The following DNAJC22 variants were observed in gnomAD, a reference collection of about 807,000 sequenced individuals.
DNAJC22 encodes the protein dnaJ homolog subfamily C member 22.
Under a neutral mutation model 22.2 loss-of-function variants are expected in DNAJC22, and 24 were observed. That is an observed-to-expected ratio of 1.08 (90% confidence interval 0.78 to 1.52). DNAJC22 has a LOEUF of 1.52. Among genes scored for constraint, DNAJC22 ranks in the 40% most tolerant of loss-of-function variants. DNAJC22 has a pLI of 0.00. For missense variants in DNAJC22, 434 were observed against 421.7 expected (o/e 1.03, Z -0.26); for synonymous variants, 160 against 167.4 (o/e 0.96, Z 0.34).
chr12:49,352,882 T>A lies in DNAJC22; in HGVS notation c.*1380T>A, dbSNP rs987358328. The A allele has an allele frequency of 6.6e-6, 1 of 152,180 alleles. No individual in the cohort carries two copies. Among genetic ancestry groups the A allele is most frequent in the Non-Finnish European group, 1.5e-5 (1 of 68,044 alleles). 9.4% of individuals were successfully genotyped at this position (152,180 alleles called of 1,614,324 possible). On this transcript the variant is annotated 3_prime_UTR_variant, in exon 4 of 4. Transcript: ENST00000549441. ...TGACTTCTCAGGTCTTCCCAGTATT[T>A]GAGGTCTGATTCTGGGCTACATACC...
chr12:49,351,388 GCA>G lies in DNAJC22; in HGVS notation c.914_915del (p.His305ProfsTer23). The G allele has an allele frequency of 3.7e-6, 6 of 1,613,532 alleles. No homozygotes were observed. The South Asian group carries it at 5.5e-5, about 15-fold the overall frequency. On this transcript the variant is annotated frameshift_variant, in exon 4 of 4. Transcript: ENST00000549441. LOFTEE classifies it high-confidence loss of function. ...RSYQELVKVWHPDHNLDQTEE... is the reference protein window; with the variant it reads ...RSYQELVKVWXPDHNLDQTEE... Reference sequence around the variant, plus strand: ...GTTACCAGGAGCTAGTGAAGGTCTGGCACCCAGACCACAACCTGGACCAGACA... The same window carrying G: ...GTTACCAGGAGCTAGTGAAGGTCTGGCCCAGACCACAACCTGGACCAGACA...
intron 3 of DNAJC22, chr12:49,351,022 A>G: frequency 3.4e-6 from 1 of 290,484 alleles, no homozygotes; most frequent in Non-Finnish European, 5.1e-6. Flanking sequence ...AGATCTTGCC[A>G]GGGATATGAA....
At chr12:49,349,909 C>G in intron 3 of DNAJC22, 197 bp downstream of exon 3, 2 of 976,958 alleles carry the variant, frequency 2.0e-6, no homozygotes, top group Non-Finnish European at 2.4e-6. Flanking sequence ...TGAGGTACAA[C>G]ATATATAAAT....
At chr12:49,350,251 A>G (rs138037195) in intron 3 of DNAJC22, among the ~76,000 whole-genome samples, 64 of 148,962 alleles carry the variant, frequency 4.3e-4, no homozygotes, top group Non-Finnish European at 8.6e-4. Flanking sequence ...TAATTTTTGT[A>G]TTTTTCATAG....
At position 49,349,189 on chromosome 12, in the gene DNAJC22, A is replaced by G; in HGVS notation, c.317A>G (p.Tyr106Cys). The G allele has an allele frequency of 6.2e-7, 1 of 1,614,066 alleles. No homozygotes were observed. The highest frequency in any genetic ancestry group is 8.5e-7 in the Non-Finnish European group (1 of 1,180,002). The change falls in exon 3 of 4, where the codon TAT becomes TGT. Residue 106 changes from tyrosine (Y) to cysteine (C), a missense_variant. Tyr to Cys is a radical substitution (Grantham distance 194, BLOSUM62 -2). Transcript: ENST00000549441. Reference sequence around the variant, plus strand: ...AGCCTTTCTTCCATGGTCAACTTCTATATTGTGGCCCTCCCACTGGCAGTT... The same window carrying G: ...AGCCTTTCTTCCATGGTCAACTTCTGTATTGTGGCCCTCCCACTGGCAGTT... ...LISLSSMVNFYIVALPLAVGL... is the reference protein window; with the variant it reads ...LISLSSMVNFCIVALPLAVGL...
rs781747836 is a variant in DNAJC22 at position 49,351,183 on chromosome 12, G to T, written c.841-134G>T. Reference sequence around the variant, plus strand: ...TAAGGCTGGAATTCTAACCTGAGCTGCTGGACCTTTCCCACGGGCAAGTAG... The same window carrying T: ...TAAGGCTGGAATTCTAACCTGAGCTTCTGGACCTTTCCCACGGGCAAGTAG... On this transcript the variant is annotated intron_variant, in intron 3 of 3. Coordinates refer to ENST00000549441, the MANE Select transcript of DNAJC22 (RefSeq NM_001304944.2). The T allele has an allele frequency of 9.7e-5, 145 of 1,500,596 alleles. No individual in the cohort carries two copies. The Middle Eastern group carries it at 1.9e-3, about 20-fold the overall frequency. The allele number at this position is 1,500,596 out of a possible 1,614,324, so 93.0% of individuals were successfully genotyped here. A position where few individuals can be genotyped will look rare whatever the true frequency, so the allele number is the denominator to read the frequency against.
chr12:49,350,616 A>G (rs886391456), intron 3 of DNAJC22, among the ~76,000 whole-genome samples: 7 of 148,504 alleles, frequency 4.7e-5, no homozygotes, highest in Non-Finnish European at 8.9e-5. Context: ...CTCCTGCCTC[A>G]GCCTCCCGAG....
chr12:49,351,219 T>C, intron 3 of DNAJC22, 98 bp from the exon 4 acceptor site: 11 of 1,578,736 alleles, frequency 7.0e-6, no homozygotes, highest in Non-Finnish European at 9.4e-6. Context: ...AAGCCAATTC[T>C]AGAGATATGA....
At position 49,349,382 on chromosome 12, in the gene DNAJC22, A is replaced by G. The variant is rs367846889; in HGVS notation, c.510A>G (p.Lys170=). The change falls in exon 3 of 4, where the codon AAA becomes AAG. Residue 170 remains lysine, a synonymous_variant. Coordinates refer to ENST00000549441, the MANE Select transcript of DNAJC22 (RefSeq NM_001304944.2). ...CAGCTCAGAGGCATCGCCGCTACAA[A>G]GCTTTGGTGGCATCAGAGCCGCTCA... The part of the protein sequence containing the change: ...SITAQRHRRY[K]ALVASEPLSV... 3.6e-5 allele frequency: 58 copies of G among 1,605,392 alleles called. No individual in the cohort carries two copies. The highest frequency in any genetic ancestry group is 3.3e-4 in the Middle Eastern group (2 of 6,036).
chr12:49,349,553 T>C lies in DNAJC22; in HGVS notation c.681T>C (p.Leu227=). ...SFLNWFSFFP[L]LGRLMEFVLL... is the part of the protein sequence containing the mutation. ...TGAATTGGTTCAGCTTCTTCCCCCT[T>C]CTTGGCCGCCTCATGGAGTTTGTCC... is the stretch of plus-strand genomic sequence containing the variant. The change falls in exon 3 of 4, where the codon CTT becomes CTC. Residue 227 remains leucine (L), a synonymous_variant. Transcript: ENST00000549441. 1.9e-6 allele frequency: 3 copies of C among 1,614,236 alleles called. No homozygotes were observed. Among genetic ancestry groups the C allele is most frequent in the Non-Finnish European group, 2.5e-6 (3 of 1,180,046 alleles).
rs1943734655 is a variant in DNAJC22 at position 49,348,914 on chromosome 12, G to T, written c.42G>T (p.Val14=). 6.6e-7 allele frequency: 1 copy of T among 1,519,502 alleles called. No homozygotes were observed. The highest frequency in any genetic ancestry group is 8.8e-7 in the Non-Finnish European group (1 of 1,136,752). 94.1% of individuals were successfully genotyped at this position (1,519,502 alleles called of 1,614,324 possible). ...TGGTGACCTATGCCCTCTGGGCTGT[G>T]GGGGGCCCTGCTGGGCTCCACCACC... is the stretch of plus-strand genomic sequence containing the variant. The part of the protein sequence containing the change: ...GLLVTYALWA[V]GGPAGLHHLY... The change falls in exon 3 of 4, where the codon GTG becomes GTT. Residue 14 remains valine, a synonymous_variant. Coordinates refer to ENST00000549441, the MANE Select transcript of DNAJC22 (RefSeq NM_001304944.2).
chr12:49,349,718 G>T lies in DNAJC22; in HGVS notation c.840+6G>T. On this transcript the variant is annotated splice_donor_region_variant and intron_variant, in intron 3 of 3. Coordinates refer to ENST00000549441, the MANE Select transcript of DNAJC22 (RefSeq NM_001304944.2). ...AGCGTCAGCTGGCTTACCAGGTAAG[G>T]CTTTCTTCCCTCAGTCCTGTCCGGT... 2 of 1,614,086 alleles carry T rather than the reference G, an allele frequency of 1.2e-6. No homozygotes were observed. The highest frequency in any genetic ancestry group is 4.5e-5 in the East Asian group (2 of 44,886).
chr12:49,348,894 A>G lies in DNAJC22; in HGVS notation c.22A>G (p.Thr8Ala). 6.7e-7 allele frequency: 1 copy of G among 1,498,158 alleles called. No individual in the cohort carries two copies. Among genetic ancestry groups the G allele is most frequent in the Non-Finnish European group, 8.9e-7 (1 of 1,124,956 alleles). The allele number at this position is 1,498,158 out of a possible 1,614,324, so 92.8% of individuals were successfully genotyped here. ...GAGGATGGCCAAGGGGCTCCTGGTG[A>G]CCTATGCCCTCTGGGCTGTGGGGGG... Reference protein sequence around the residue: MAKGLLVTYALWAVGGPA... With the variant: MAKGLLVAYALWAVGGPA... Residue 8 changes from threonine to alanine, a missense_variant, in exon 3 of 4, where the codon ACC becomes GCC. By Grantham distance (58) the Thr-to-Ala change is moderately conservative. Transcript: ENST00000549441.
rs1416354112 is a variant in DNAJC22 at position 49,349,209 on chromosome 12, GCAGTTGGCTTAGGGGT to G, written c.339_354del (p.Val114CysfsTer32). 3 of 1,614,122 alleles carry G rather than the reference GCAGTTGGCTTAGGGGT, an allele frequency of 1.9e-6. No homozygotes were observed. The highest frequency in any genetic ancestry group is 2.5e-6 in the Non-Finnish European group (3 of 1,180,024). On this transcript the variant is annotated frameshift_variant, in exon 3 of 4. Coordinates refer to ENST00000549441, the MANE Select transcript of DNAJC22 (RefSeq NM_001304944.2). LOFTEE classifies it high-confidence loss of function. Reference sequence around the variant, plus strand: ...CTTCTATATTGTGGCCCTCCCACTGGCAGTTGGCTTAGGGGTCTTGCTGGTGGCTGCTGTTGGCAAC... The same window carrying G: ...CTTCTATATTGTGGCCCTCCCACTGGCTTGCTGGTGGCTGCTGTTGGCAAC...
At position 49,346,915 on chromosome 12, in the gene DNAJC22, G is replaced by A. The variant is rs1284802683; in HGVS notation, c.-1206G>A. The A allele has an allele frequency of 6.6e-6, 1 of 152,294 alleles. No homozygotes were observed. Among genetic ancestry groups the A allele is most frequent in the African/African-American group, 2.4e-5 (1 of 41,472 alleles). 9.4% of individuals were successfully genotyped at this position (152,294 alleles called of 1,614,324 possible). On this transcript the variant is annotated 5_prime_UTR_variant, in exon 1 of 4. Coordinates refer to ENST00000549441, the MANE Select transcript of DNAJC22 (RefSeq NM_001304944.2). ...TGAGCCCTAAGAGGTCATATAGAGA[G>A]CAGCATTTCCTCTCCAGGCCGAGAT... is the stretch of plus-strand genomic sequence containing the variant.
Position 49,349,011 on chromosome 12 carries a change from T to C in DNAJC22, c.139T>C (p.Trp47Arg). ...GGGGGGAGGTGGGCTGGGCTGGCTC[T>C]GGGAGTTCTGGAAGCTCCCAAGCTT... ...TLGGGGLGWLWEFWKLPSFVA... is the reference protein window; with the variant it reads ...TLGGGGLGWLREFWKLPSFVA... The change falls in exon 3 of 4, where the codon TGG (tryptophan) becomes CGG (arginine). Residue 47 changes from tryptophan to arginine, a missense_variant. Transcript: ENST00000549441. The C allele has an allele frequency of 1.3e-6, 2 of 1,583,424 alleles. No homozygotes were observed. Among genetic ancestry groups the C allele is most frequent in the Non-Finnish European group, 1.7e-6 (2 of 1,165,554 alleles).
rs1159342239 is a variant in DNAJC22, at chr12:49,347,171, C to T, written c.-950C>T. 6.6e-6 allele frequency: 1 copy of T among 152,312 alleles called. No homozygotes were observed. The highest frequency in any genetic ancestry group is 1.5e-5 in the Non-Finnish European group (1 of 68,074). 9.4% of individuals were successfully genotyped at this position (152,312 alleles called of 1,614,324 possible). On this transcript the variant is annotated 5_prime_UTR_variant, in exon 1 of 4. Coordinates refer to ENST00000549441, the MANE Select transcript of DNAJC22 (RefSeq NM_001304944.2). ...ATTGAAATGAAGGCGTCTTGCATTG[C>T]AGCTCCGTTGCAGCGCAGAGGCGCA...
chr12:49,353,558 G>A lies in DNAJC22; in HGVS notation c.*2056G>A, dbSNP rs1387138965. ...CAGCTAAGGAGGCTGAGATTGGGAG[G>A]ATCACTTGAACCCAAAAGGTGGAGG... On this transcript the variant is annotated 3_prime_UTR_variant, in exon 4 of 4. Coordinates refer to ENST00000549441, the MANE Select transcript of DNAJC22 (RefSeq NM_001304944.2). The A allele has an allele frequency of 6.6e-6, 1 of 152,116 alleles. No homozygotes were observed. The highest frequency in any genetic ancestry group is 6.6e-5 in the Admixed American group (1 of 15,262). The allele number at this position is 152,116 out of a possible 1,614,324, so 9.4% of individuals were successfully genotyped here. A position where few individuals can be genotyped will look rare whatever the true frequency, so the allele number is the denominator to read the frequency against.
rs146704284 is a variant in DNAJC22, at chr12:49,350,182, T to G, written c.840+470T>G. ...ACCTCTGCCTCCTGGGTTGAAGCGATTCTCCTGCCTCAGCCTCCCGAGTAG... is the reference window on the plus strand; with the variant it reads ...ACCTCTGCCTCCTGGGTTGAAGCGAGTCTCCTGCCTCAGCCTCCCGAGTAG... On this transcript the variant is annotated intron_variant, in intron 3 of 3. Coordinates refer to ENST00000549441, the MANE Select transcript of DNAJC22 (RefSeq NM_001304944.2). Among the ~76,000 whole-genome samples the G allele has an allele frequency of 1.1e-3, 160 of 152,084 alleles. 1 individual carries two copies. In the East Asian group the frequency reaches 0.017, roughly 16 times the overall value.
Sources: gnomAD v4.1 joint callset for allele counts (sites outside exome capture counted in the v4.1 genomes callset) on GRCh38, gnomAD v4.1.1 for gene constraint, MANE v1.5 for transcripts, NCBI Gene and HGNC (gene_info 2026-07-23, HGNC 2026-07-21) for gene names.